Variants in C17orf113 observed in about 807,000 individuals in gnomAD.
C17orf113 encodes chromosome 17 open reading frame 113.
C17orf113 carries 5 observed loss-of-function variants against 11.6 expected under a neutral mutation model. The observed-to-expected ratio is 0.43, with a 90% CI of 0.23 to 0.91. C17orf113 has a LOEUF of 0.91. Among genes scored for constraint, C17orf113 ranks in the 40% least tolerant of loss-of-function variants. The pLI is 0.26. For missense variants in C17orf113, 714 were observed against 841.3 expected, an observed-to-expected ratio of 0.85 and a Z score of 1.87; for synonymous variants, 327 against 390.6, an observed-to-expected ratio of 0.84 and a Z score of 1.92.
chr17:42,041,208 G>C lies in C17orf113; in HGVS notation c.544-19C>G. 1 of 1,232,582 alleles carries C rather than the reference G, an allele frequency of 8.1e-7. No homozygotes were observed. Among genetic ancestry groups the C allele is most frequent in the East Asian group, 3.2e-5 (1 of 31,714 alleles). 76.4% of individuals were successfully genotyped at this position (1,232,582 alleles called of 1,614,324 possible). A position where few individuals can be genotyped will look rare whatever the true frequency, so the allele number is the denominator to read the frequency against. On this transcript the variant is annotated intron_variant, in intron 2 of 2. Coordinates refer to ENST00000587304, the MANE Select transcript of C17orf113 (RefSeq NM_001358661.2). Reference sequence around the variant, plus strand: ...TGGCCACCTGGGACAGCCAGGGAAAGAAAGGGAGGGAGGACTGAGTTAGGC... The same window carrying C: ...TGGCCACCTGGGACAGCCAGGGAAACAAAGGGAGGGAGGACTGAGTTAGGC...
chr17:42,049,652 G>T (rs575296623), intron 1 of C17orf113, among the ~76,000 whole-genome samples: 1 of 152,368 alleles, frequency 6.6e-6, no homozygotes, highest in Non-Finnish European at 1.5e-5. Flanking sequence ...GGGCAGAGGG[G>T]TGCAAAAGCA....
chr17:42,039,794 GC>G lies in C17orf113; in HGVS notation c.1938del (p.Pro648ArgfsTer14). The G allele has an allele frequency of 1.6e-6, 2 of 1,232,262 alleles. No individual in the cohort carries two copies. Among genetic ancestry groups the G allele is most frequent in the East Asian group, 3.2e-5 (1 of 31,694 alleles). The allele number at this position is 1,232,262 out of a possible 1,614,324, so 76.3% of individuals were successfully genotyped here. ...GGHMVKIAVDGPPLHEFDFGL... is the reference protein window; with the variant it reads ...GGHMVKIAVDXPPLHEFDFGL... ...CCGAAGTCAAACTCGTGCAGCGGGG[GC>G]CCATCCACTGCGATCTTCACCATGT... On this transcript the variant is annotated frameshift_variant, in exon 3 of 3. Transcript: ENST00000587304. LOFTEE classifies it high-confidence loss of function.
Position 42,042,885 on chromosome 17 carries a change from C to T in C17orf113, c.492G>A (p.Leu164=), listed in dbSNP as rs1191029298. 9 of 1,232,222 alleles carry T rather than the reference C, an allele frequency of 7.3e-6. No homozygotes were observed. The African/African-American group carries it at 1.2e-4, about 17-fold the overall frequency. 76.3% of individuals were successfully genotyped at this position (1,232,222 alleles called of 1,614,324 possible). The change falls in exon 2 of 3, where the codon CTG becomes CTA. Residue 164 remains leucine (L), a synonymous_variant. Transcript: ENST00000587304. The part of the protein sequence containing the change: ...LQRFNLCQAL[L]GTEHGDYYSP... ...TGTAGTAATCGCCATGCTCTGTGCCCAGCAGTGCCTGGCACAGGTTGAACC... is the reference window on the plus strand; with the variant it reads ...TGTAGTAATCGCCATGCTCTGTGCCTAGCAGTGCCTGGCACAGGTTGAACC...
chr17:42,045,084 A>AT lies in C17orf113; in HGVS notation c.-187-1522dup, dbSNP rs1218900400. Among the ~76,000 whole-genome samples the AT allele has an allele frequency of 6.6e-5, 10 of 152,222 alleles. No individual in the cohort carries two copies. In the East Asian group the frequency reaches 1.4e-3, roughly 21 times the overall value. ...AGGCACCCGCCATCACGCCCGGCTA[A>AT]TTTTTTGTATTTTTAGTGGAGACGG... On this transcript the variant is annotated intron_variant, in intron 1 of 2. Transcript: ENST00000587304.
At position 42,043,366 on chromosome 17, in the gene C17orf113, G is replaced by T. The variant is rs1200230544; in HGVS notation, c.11C>A (p.Pro4Gln). The T allele has an allele frequency of 8.1e-7, 1 of 1,232,136 alleles. No homozygotes were observed. Among genetic ancestry groups the T allele is most frequent in the Non-Finnish European group, 1.0e-6 (1 of 988,056 alleles). The allele number at this position is 1,232,136 out of a possible 1,614,324, so 76.3% of individuals were successfully genotyped here. A position where few individuals can be genotyped will look rare whatever the true frequency, so the allele number is the denominator to read the frequency against. The change falls in exon 2 of 3, where the codon CCA becomes CAA. Residue 4 changes from proline (P) to glutamine (Q), a missense_variant. Physicochemically the swap from Pro to Gln is moderately conservative, Grantham distance 76 (BLOSUM62 -1). Transcript: ENST00000587304. Reference sequence around the variant, plus strand: ...GGCCTCTCCCGCTGGTTTCTTCCCTGGGGGCACCATTCTTGCTCTCTCAGC... The same window carrying T: ...GGCCTCTCCCGCTGGTTTCTTCCCTTGGGGCACCATTCTTGCTCTCTCAGC... MVPPGKKPAGEASN... is the reference protein window; with the variant it reads MVPQGKKPAGEASN...
At position 42,040,742 on chromosome 17, in the gene C17orf113, A is replaced by G; in HGVS notation, c.991T>C (p.Leu331=). 2 of 1,232,352 alleles carry G rather than the reference A, an allele frequency of 1.6e-6. No homozygotes were observed. The highest frequency in any genetic ancestry group is 2.0e-6 in the Non-Finnish European group (2 of 988,114). The allele number at this position is 1,232,352 out of a possible 1,614,324, so 76.3% of individuals were successfully genotyped here. A position where few individuals can be genotyped will look rare whatever the true frequency, so the allele number is the denominator to read the frequency against. ...FRLHGGPSSH[L]VPELRAALDL... is the part of the protein sequence containing the mutation. ...AGTGCTGCCCGGAGCTCAGGGACCA[A>G]GTGGGAACTAGGGCCACCATGGAGG... Residue 331 remains leucine (L), a synonymous_variant, in exon 3 of 3, where the codon TTG becomes CTG. Transcript: ENST00000587304.
In C17orf113 at chr17:42,050,225, C is replaced by A. The variant is rs1254372120; in HGVS notation, c.-188+332G>T. ...TAAGCCTCAAACAGTATTCATGTGG[C>A]CCCAGAATGTGGGTCCCGAGCCTCC... On this transcript the variant is annotated intron_variant, in intron 1 of 2. Transcript: ENST00000587304. This position sits in a 1 kb window ranked among gnomAD's most constrained non-coding sequence, Gnocchi z 5.6. Among the ~76,000 whole-genome samples, 1 of 152,226 alleles carries A rather than the reference C, an allele frequency of 6.6e-6. No homozygotes were observed. The highest frequency in any genetic ancestry group is 1.5e-5 in the Non-Finnish European group (1 of 68,030).
chr17:42,046,482 C>T (rs2053163808), intron 1 of C17orf113, among the ~76,000 whole-genome samples: 2 of 152,020 alleles, frequency 1.3e-5, no homozygotes, highest in African/African-American at 4.8e-5. Flanking sequence ...TGCCTGTAGT[C>T]CCAGCTACTC....
At chr17:42,043,591 G>A in intron 1 of C17orf113, 28 bp from the exon 2 acceptor site, 1 of 391,662 alleles carries the variant, frequency 2.6e-6, no homozygotes, top group East Asian at 3.8e-5. Flanking sequence ...AGGCAGAGGT[G>A]TTAGGGGTCT....
chr17:42,040,064 CCCGCTGGCGCA>C lies in C17orf113; in HGVS notation c.1658_1668del (p.Val553GlyfsTer9). On this transcript the variant is annotated frameshift_variant, in exon 3 of 3. Transcript: ENST00000587304. LOFTEE classifies it low-confidence loss of function (END_TRUNC). ...TTAAACAGCGCGAAGTCGCCCAGCGCCCGCTGGCGCACCACGGCAGGAGCAAAGCCGCGCAG... is the reference window on the plus strand; with the variant it reads ...TTAAACAGCGCGAAGTCGCCCAGCGCCCACGGCAGGAGCAAAGCCGCGCAG... 8.1e-7 allele frequency: 1 copy of C among 1,231,206 alleles called. No homozygotes were observed. Among genetic ancestry groups the C allele is most frequent in the East Asian group, 3.2e-5 (1 of 31,684 alleles). The allele number at this position is 1,231,206 out of a possible 1,614,324, so 76.3% of individuals were successfully genotyped here.
Position 42,039,527 on chromosome 17 carries a change from C to A in C17orf113, c.*178G>T. The A allele has an allele frequency of 2.5e-6, 1 of 396,214 alleles. No homozygotes were observed. Among genetic ancestry groups the A allele is most frequent in the Non-Finnish European group, 3.6e-6 (1 of 274,592 alleles). 24.5% of individuals were successfully genotyped at this position (396,214 alleles called of 1,614,324 possible). ...GCCCCTCTTGAGCCAGTCCCTTCCT[C>A]CACAGCCCACAGGGTGGGGGGGGTT... On this transcript the variant is annotated 3_prime_UTR_variant, in exon 3 of 3. Transcript: ENST00000587304.
intron 1 of C17orf113, among the ~76,000 whole-genome samples, chr17:42,048,582 C>T (rs192801123): frequency 6.6e-6 from 1 of 152,194 alleles, no homozygotes; most frequent in East Asian, 1.9e-4. Flanking sequence ...GCCCCTCTCC[C>T]AATCATCCCT....
At chr17:42,046,908 G>C (rs1276290868) in intron 1 of C17orf113, among the ~76,000 whole-genome samples, 1 of 150,348 alleles carries the variant, frequency 6.7e-6, no homozygotes, top group African/African-American at 2.4e-5. Flanking sequence ...TGTCACCCAG[G>C]CTAGAGTGCA....
rs552886227 is a variant in C17orf113 at position 42,042,115 on chromosome 17, C to T, written c.543+719G>A. ...ACTAAGTCAAAAGTCATTTCCATTT[C>T]CATTCCAGCACTTTGCGGGGCCAAG... On this transcript the variant is annotated intron_variant, in intron 2 of 2. Transcript: ENST00000587304. Among the ~76,000 whole-genome samples, 8 of 152,258 alleles carry T rather than the reference C, an allele frequency of 5.3e-5. No individual in the cohort carries two copies. In the South Asian group the frequency reaches 1.5e-3, roughly 28 times the overall value.
Position 42,050,450 on chromosome 17 carries a change from T to C in C17orf113, c.-188+107A>G, listed in dbSNP as rs1237609788. On this transcript the variant is annotated intron_variant, in intron 1 of 2. Coordinates refer to ENST00000587304, the MANE Select transcript of C17orf113 (RefSeq NM_001358661.2). The surrounding 1 kb of genome is among the most constrained non-coding windows in gnomAD (Gnocchi z 5.6). ...TGGGGGGCGCGCGGTGACAGAGCCC[T>C]CGGTGGGTCCCGCAGAGGCACTGAG... is the stretch of plus-strand genomic sequence containing the variant. The C allele has an allele frequency of 6.6e-6, 1 of 151,986 alleles. No individual in the cohort carries two copies. The highest frequency in any genetic ancestry group is 2.4e-5 in the African/African-American group (1 of 41,384). The allele number at this position is 151,986 out of a possible 1,614,324, so 9.4% of individuals were successfully genotyped here.
Position 42,039,538 on chromosome 17 carries a change from A to C in C17orf113, c.*167T>G. On this transcript the variant is annotated 3_prime_UTR_variant, in exon 3 of 3. Coordinates refer to ENST00000587304, the MANE Select transcript of C17orf113 (RefSeq NM_001358661.2). Reference sequence around the variant, plus strand: ...GCCAGTCCCTTCCTCCACAGCCCACAGGGTGGGGGGGGTTGGTGGGAAGCT... The same window carrying C: ...GCCAGTCCCTTCCTCCACAGCCCACCGGGTGGGGGGGGTTGGTGGGAAGCT... 2.7e-6 allele frequency: 1 copy of C among 376,804 alleles called. No homozygotes were observed. Among genetic ancestry groups the C allele is most frequent in the Non-Finnish European group, 3.5e-6 (1 of 282,448 alleles). 23.3% of individuals were successfully genotyped at this position (376,804 alleles called of 1,614,324 possible).
At position 42,050,119 on chromosome 17, in the gene C17orf113, C is replaced by T. The variant is rs978290958; in HGVS notation, c.-188+438G>A. ...ACCAGGAGGGCACACTTGCTGCAGACACAGGTCTCCTCTCATTTCTCTCCA... is the reference window on the plus strand; with the variant it reads ...ACCAGGAGGGCACACTTGCTGCAGATACAGGTCTCCTCTCATTTCTCTCCA... On this transcript the variant is annotated intron_variant, in intron 1 of 2. Coordinates refer to ENST00000587304, the MANE Select transcript of C17orf113 (RefSeq NM_001358661.2). This position sits in a 1 kb window ranked among gnomAD's most constrained non-coding sequence, Gnocchi z 5.6. Among the ~76,000 whole-genome samples, 23 of 152,196 alleles carry T rather than the reference C, an allele frequency of 1.5e-4. No homozygotes were observed. The highest frequency in any genetic ancestry group is 5.1e-4 in the African/African-American group (21 of 41,444).
chr17:42,040,979 G>A lies in C17orf113; in HGVS notation c.754C>T (p.Leu252Phe). 8.1e-7 allele frequency: 1 copy of A among 1,232,296 alleles called. No homozygotes were observed. The highest frequency in any genetic ancestry group is 1.0e-6 in the Non-Finnish European group (1 of 988,034). 76.3% of individuals were successfully genotyped at this position (1,232,296 alleles called of 1,614,324 possible). ...CCGAAAGCCTGCAGGATGTCCAAGAGCTGGCCAGCAGTGGCCTCGCCCTCC... is the reference window on the plus strand; with the variant it reads ...CCGAAAGCCTGCAGGATGTCCAAGAACTGGCCAGCAGTGGCCTCGCCCTCC... The part of the protein sequence containing the change: ...LQEGEATAGQ[L>F]LDILQAFGVS... Residue 252 changes from leucine to phenylalanine, a missense_variant, in exon 3 of 3, where the codon CTC (leucine) becomes TTC (phenylalanine). By Grantham distance (22) the Leu-to-Phe change is conservative. Around this residue, in one of 3 missense-constraint regions of C17orf113, gnomAD observed 516 missense variants for 626.6 expected, o/e 0.82. Transcript: ENST00000587304.
chr17:42,043,439 C>A lies in C17orf113; in HGVS notation c.-63G>T. The A allele has an allele frequency of 8.2e-7, 1 of 1,213,962 alleles. No individual in the cohort carries two copies. The highest frequency in any genetic ancestry group is 1.0e-6 in the Non-Finnish European group (1 of 972,120). 75.2% of individuals were successfully genotyped at this position (1,213,962 alleles called of 1,614,324 possible). A position where few individuals can be genotyped will look rare whatever the true frequency, so the allele number is the denominator to read the frequency against. ...GAATGCTCTTGCCCCCCTGCCTCCCCCACACACAGGCACCTCCCTTGACAA... is the reference window on the plus strand; with the variant it reads ...GAATGCTCTTGCCCCCCTGCCTCCCACACACACAGGCACCTCCCTTGACAA... On this transcript the variant is annotated 5_prime_UTR_variant, in exon 2 of 3. Coordinates refer to ENST00000587304, the MANE Select transcript of C17orf113 (RefSeq NM_001358661.2).
Sources: gnomAD v4.1 joint callset for allele counts (sites outside exome capture counted in the v4.1 genomes callset) on GRCh38, gnomAD v4.1.1 for gene constraint, gnomAD v4.1.1 regional missense constraint, Gnocchi (gnomAD v3.1) non-coding constraint, MANE v1.5 for transcripts, NCBI Gene and HGNC (gene_info 2026-07-23, HGNC 2026-07-21) for gene names.